Variants in TRAPPC9 observed in about 807,000 individuals in gnomAD.
TRAPPC9 encodes IKK2 binding protein.
TRAPPC9 carries 83 observed loss-of-function variants against 124.0 expected under a neutral mutation model. The ratio of observed to expected loss-of-function variants is 0.67; its 90% confidence interval spans 0.56 to 0.80. The LOEUF (loss-of-function observed/expected upper bound fraction) is 0.80, where lower values mean the gene tolerates loss of function less well. Among genes scored for constraint, TRAPPC9 ranks in the 30% least tolerant of loss-of-function variants. The probability of loss-of-function intolerance (pLI) is 0.00; values close to 1 mark genes in which losing one functional copy is unlikely to be tolerated. For missense variants in TRAPPC9, 1,302 were observed against 1,508.3 expected (o/e 0.86, Z 2.27); for synonymous variants, 638 against 617.5 (o/e 1.03, Z -0.49).
chr8:140,403,131 A>G (rs1355519801), intron 6 of TRAPPC9, among the ~76,000 whole-genome samples: 1 of 152,180 alleles, frequency 6.6e-6, no homozygotes, highest in African/African-American at 2.4e-5. Context: ...TATCATTAAG[A>G]AAGTATTTCT....
At chr8:140,049,167 C>T (rs907655867) in intron 17 of TRAPPC9, among the ~76,000 whole-genome samples, 2 of 152,266 alleles carry the variant, frequency 1.3e-5, no homozygotes, top group African/African-American at 2.4e-5. Flanking sequence ...GAAACTCATA[C>T]AGGTAAAGTA....
At chr8:140,033,248 T>G (rs1563706094) in intron 17 of TRAPPC9, among the ~76,000 whole-genome samples, 1 of 152,208 alleles carries the variant, frequency 6.6e-6, no homozygotes, top group Non-Finnish European at 1.5e-5. Flanking sequence ...TGGATGAGAA[T>G]AAAGATTCCA....
In TRAPPC9 at chr8:140,087,521, A is replaced by G. The variant is rs1386371292; in HGVS notation, c.2557-63442T>C. 6.6e-6 allele frequency among the ~76,000 whole-genome samples: 1 copy of G among 152,166 alleles called. No individual in the cohort carries two copies. The highest frequency in any genetic ancestry group is 1.5e-5 in the Non-Finnish European group (1 of 68,030). On this transcript the variant is annotated intron_variant, in intron 17 of 22. Transcript: ENST00000438773. This position sits in a 1 kb window ranked among gnomAD's most constrained non-coding sequence, Gnocchi z 4.6. ...ATGGTTGTGTTTTCCCCACATTCTA[A>G]TCCCCACCGAGCTTCCTCCATCTCA...
chr8:140,039,426 C>G (rs1841119538), intron 17 of TRAPPC9, among the ~76,000 whole-genome samples: 1 of 152,226 alleles, frequency 6.6e-6, no homozygotes, highest in African/African-American at 2.4e-5. Flanking sequence ...TTCCAGTATA[C>G]TCAGCGCCTC....
At chr8:139,804,449 TCAC>T (rs370246184) in intron 21 of TRAPPC9, among the ~76,000 whole-genome samples, 6 of 19,738 alleles carry the variant, frequency 3.0e-4, no homozygotes, top group African/African-American at 4.3e-4. Flanking sequence ...TCACCACCAC[TCAC>T]CACCACCACC....
intron 3 of TRAPPC9, among the ~76,000 whole-genome samples, chr8:140,437,404 C>T (rs1034705701): frequency 3.7e-4 from 57 of 152,162 alleles, no homozygotes; most frequent in African/African-American, 1.3e-3. Flanking sequence ...GCAGGCATAT[C>T]AGCTGAGGTC....
intron 21 of TRAPPC9, among the ~76,000 whole-genome samples, chr8:139,868,705 T>C (rs927777851): frequency 6.6e-6 from 1 of 152,256 alleles, no homozygotes; most frequent in Non-Finnish European, 1.5e-5. Flanking sequence ...TGGAGATTGT[T>C]GTAAAGTCTG....
rs1823891864 is a variant in TRAPPC9 at position 139,804,642 on chromosome 8, ACCGCCACCAC to A, written c.3056-72450_3056-72441del. Among the ~76,000 whole-genome samples the A allele has an allele frequency of 1.2e-4, 11 of 92,502 alleles. 2 individuals are homozygous for A. The highest frequency in any genetic ancestry group is 4.6e-4 in the African/African-American group (10 of 21,688). 60.7% of individuals were successfully genotyped at this position (92,502 alleles called of 152,430 possible). The stretch of plus-strand genomic sequence containing the variant: ...CCACCCACCACCGCCACCAAGCACC[ACCGCCACCAC>A]CCACCACCGCCACCAAGCACCACCA... On this transcript the variant is annotated intron_variant, in intron 21 of 22. Coordinates refer to ENST00000438773, the MANE Select transcript of TRAPPC9 (RefSeq NM_001160372.4).
At chr8:139,819,760 T>G (rs1440370423) in intron 21 of TRAPPC9, among the ~76,000 whole-genome samples, 1 of 151,952 alleles carries the variant, frequency 6.6e-6, no homozygotes, top group Non-Finnish European at 1.5e-5. Flanking sequence ...ACATCTGTAA[T>G]CCCAATACTT....
At chr8:140,187,059 G>GT (rs1563828882) in intron 17 of TRAPPC9, among the ~76,000 whole-genome samples, 1 of 152,144 alleles carries the variant, frequency 6.6e-6, no homozygotes, top group East Asian at 1.9e-4. Context: ...GCTTGGGACC[G>GT]TAAGTGTTTT....
At chr8:140,302,266 G>T (rs536415201) in intron 10 of TRAPPC9, among the ~76,000 whole-genome samples, 2 of 152,102 alleles carry the variant, frequency 1.3e-5, no homozygotes, top group Non-Finnish European at 1.5e-5. Context: ...CTAACCCCGC[G>T]CCCTCCAGAC....
At chr8:139,934,835 A>C (rs1587269173) in intron 19 of TRAPPC9, among the ~76,000 whole-genome samples, 1 of 152,148 alleles carries the variant, frequency 6.6e-6, no homozygotes, top group South Asian at 2.1e-4. Flanking sequence ...GAAGTGACTG[A>C]CCTGCAGCCA....
intron 17 of TRAPPC9, among the ~76,000 whole-genome samples, chr8:140,057,963 C>T (rs890359047): frequency 2.0e-5 from 3 of 152,210 alleles, no homozygotes; most frequent in African/African-American, 7.2e-5. Flanking sequence ...CGACCACCTG[C>T]ACCACGCTGG....
chr8:140,329,872 G>A (rs1189017177), intron 9 of TRAPPC9, among the ~76,000 whole-genome samples: 2 of 152,170 alleles, frequency 1.3e-5, no homozygotes, highest in Non-Finnish European at 2.9e-5. Context: ...GAGGTCAGGA[G>A]TTTGAGACCA....
chr8:139,899,639 A>AC (rs1446450590), intron 20 of TRAPPC9, among the ~76,000 whole-genome samples: 1 of 151,756 alleles, frequency 6.6e-6, no homozygotes, highest in Non-Finnish European at 1.5e-5. Flanking sequence ...CCCCATAATT[A>AC]CCCCCAAGAG....
intron 9 of TRAPPC9, among the ~76,000 whole-genome samples, chr8:140,349,350 G>A (rs138458658): frequency 0.096 from 9,421 of 98,282 alleles, 694 homozygotes; most frequent in Middle Eastern, 0.18. Flanking sequence ...CGAAGGGGGC[G>A]CGCGAGGGAA....
At chr8:140,161,906 C>A (rs1213531404) in intron 17 of TRAPPC9, among the ~76,000 whole-genome samples, 2 of 152,128 alleles carry the variant, frequency 1.3e-5, no homozygotes, top group Admixed American at 1.3e-4. Context: ...TGCAGAGACA[C>A]ACACAAAGAG....
At chr8:140,212,931 T>C (rs1322055946) in intron 17 of TRAPPC9, among the ~76,000 whole-genome samples, 3 of 151,930 alleles carry the variant, frequency 2.0e-5, no homozygotes, top group Non-Finnish European at 4.4e-5. Flanking sequence ...TAGCTGGGCA[T>C]GGTGGCGCAC....
At chr8:140,307,747 A>G (rs1217902566) in intron 10 of TRAPPC9, among the ~76,000 whole-genome samples, 2 of 152,224 alleles carry the variant, frequency 1.3e-5, no homozygotes, top group East Asian at 1.9e-4. Flanking sequence ...GAATCTGTCA[A>G]GAACATTTTT....
Sources: allele counts gnomAD v4.1 joint callset (sites outside exome capture counted in the v4.1 genomes callset), GRCh38; gene constraint gnomAD v4.1.1; non-coding constraint Gnocchi (gnomAD v3.1); transcripts MANE v1.5; gene names NCBI Gene and HGNC (gene_info 2026-07-23, HGNC 2026-07-21).